VDAC1: variants seen among roughly 807,000 people sequenced by gnomAD.
The protein encoded by VDAC1 is non-selective voltage-gated ion channel VDAC1.
In VDAC1, 10 loss-of-function variants were observed where a neutral mutation model predicts 34.7. The observed-to-expected ratio is 0.29, with a 90% CI of 0.18 to 0.49. VDAC1 has a LOEUF of 0.49. Among genes scored for constraint, VDAC1 ranks in the 20% least tolerant of loss-of-function variants. The pLI is 0.99. For missense variants in VDAC1, 230 were observed against 347.9 expected, an observed-to-expected ratio of 0.66 and a Z score of 2.69; for synonymous variants, 130 against 136.0, an observed-to-expected ratio of 0.96 and a Z score of 0.30.
chr5:134,047,241 G>C, the VDAC1 span, among the ~76,000 whole-genome samples: 12 of 152,162 alleles, frequency 7.9e-5, no homozygotes, highest in Non-Finnish European at 1.5e-4. Context: ...GCCGCCTGCT[G>C]GGGGAGGGCA....
At chr5:134,026,904 T>C in the VDAC1 span, among the ~76,000 whole-genome samples, 1 of 152,256 alleles carries the variant, frequency 6.6e-6, no homozygotes, top group African/African-American at 2.4e-5. Flanking sequence ...GAAGAAATGC[T>C]TCTAAGCCTG....
chr5:134,079,988 G>A, the VDAC1 span, among the ~76,000 whole-genome samples: 2 of 152,244 alleles, frequency 1.3e-5, no homozygotes, highest in African/African-American at 2.4e-5. Flanking sequence ...GGCGGCCTGC[G>A]GTGGGGGCTT....
At chr5:134,055,588 G>GTTTTTTTTTTT in the VDAC1 span, among the ~76,000 whole-genome samples, 3 of 59,616 alleles carry the variant, frequency 5.0e-5, no homozygotes, top group African/African-American at 7.2e-5. Context: ...CCCCGCTAAT[G>GTTTTTTTTTTT]TTTTTTTTTT....
At chr5:134,074,311 A>G in the VDAC1 span, among the ~76,000 whole-genome samples, 1 of 96,252 alleles carries the variant, frequency 1.0e-5, no homozygotes, top group African/African-American at 3.4e-5. Flanking sequence ...TCTCAAAATA[A>G]ATAAATAAAT....
rs371929840 is a variant in VDAC1, at chr5:134,002,743, T to C, written c.-7+2152A>G. Among the ~76,000 whole-genome samples, 10 of 152,152 alleles carry C rather than the reference T, an allele frequency of 6.6e-5. No homozygotes were observed. In the East Asian group the frequency reaches 9.6e-4, roughly 15 times the overall value. The stretch of plus-strand genomic sequence containing the variant: ...ACTTTGGGAGGCGGAGGCGGGTGGA[T>C]TGCTTGAGGCCAGGAGTTTGAGATC... On this transcript the variant is annotated intron_variant, in intron 1 of 8. Coordinates refer to ENST00000265333, the MANE Select transcript of VDAC1 (RefSeq NM_003374.3).
intron 2 of VDAC1, among the ~76,000 whole-genome samples, 154 bp downstream of exon 2, chr5:133,992,792 T>C (rs1753155978): frequency 6.6e-6 from 1 of 152,274 alleles, no homozygotes. Context: ...CCAAAGTTGC[T>C]ACAATTGCCA....
the VDAC1 span, among the ~76,000 whole-genome samples, chr5:134,090,895 T>C: frequency 6.6e-6 from 1 of 152,160 alleles, no homozygotes; most frequent in Non-Finnish European, 1.5e-5. Context: ...CCCAGCTGGG[T>C]GGTGGTAACC....
chr5:134,096,143 C>T, the VDAC1 span, among the ~76,000 whole-genome samples: 21,744 of 152,246 alleles, frequency 0.14, 2,643 homozygotes, highest in African/African-American at 0.32. Context: ...TCCCCAGGGC[C>T]CGGGATTGTG....
At chr5:134,075,488 C>T in the VDAC1 span, among the ~76,000 whole-genome samples, 1 of 152,242 alleles carries the variant, frequency 6.6e-6, no homozygotes, top group Non-Finnish European at 1.5e-5. Flanking sequence ...ACTATGTTCA[C>T]AATACTTTCA....
At chr5:134,105,115 G>A in the VDAC1 span, among the ~76,000 whole-genome samples, 277 of 152,270 alleles carry the variant, frequency 1.8e-3, no homozygotes, top group African/African-American at 6.2e-3. Context: ...AACTCGCTCC[G>A]TGAATGGATG....
the VDAC1 span, among the ~76,000 whole-genome samples, chr5:134,088,815 A>G: frequency 2.6e-5 from 4 of 152,178 alleles, no homozygotes; most frequent in South Asian, 6.2e-4. Flanking sequence ...TGCTTGCAAC[A>G]TTCCAAGTTT....
intron 5 of VDAC1, among the ~76,000 whole-genome samples, chr5:133,987,274 T>C (rs1752940007): frequency 6.6e-6 from 1 of 151,894 alleles, no homozygotes; most frequent in South Asian, 2.1e-4. Flanking sequence ...GGAGGGAGGA[T>C]CCCTTGAGCC....
At chr5:134,012,730 GA>G in the VDAC1 span, among the ~76,000 whole-genome samples, 2 of 151,100 alleles carry the variant, frequency 1.3e-5, no homozygotes, top group Non-Finnish European at 3.0e-5. Context: ...CACAGAATTA[GA>G]AAAAAAACTA....
At chr5:134,062,733 T>C in the VDAC1 span, among the ~76,000 whole-genome samples, 1 of 151,646 alleles carries the variant, frequency 6.6e-6, no homozygotes, top group African/African-American at 2.4e-5. Context: ...TTCAAGCGAT[T>C]CTCCCGCCTC....
the VDAC1 span, among the ~76,000 whole-genome samples, chr5:134,055,619 T>TTC: frequency 2.6e-4 from 29 of 109,538 alleles, 1 homozygote; most frequent in African/African-American, 8.8e-4. Flanking sequence ...TTTTTTTTTT[T>TTC]AGTAGAGACA....
intron 1 of VDAC1, among the ~76,000 whole-genome samples, chr5:133,994,360 G>C (rs1753214827): frequency 6.6e-6 from 1 of 152,200 alleles, no homozygotes; most frequent in Admixed American, 6.5e-5. Flanking sequence ...TCACTTTTGT[G>C]TCAGAGCACA....
the VDAC1 span, among the ~76,000 whole-genome samples, chr5:134,104,085 T>G: frequency 1.3e-5 from 2 of 152,132 alleles, no homozygotes; most frequent in South Asian, 4.2e-4. Flanking sequence ...ATGGGCAAGT[T>G]ACGTCACTAG....
At chr5:134,001,715 T>TAAAAA (rs10717143) in intron 1 of VDAC1, among the ~76,000 whole-genome samples, 4 of 110,478 alleles carry the variant, frequency 3.6e-5, no homozygotes, top group Admixed American at 9.9e-5. Context: ...AGACTCCATC[T>TAAAAA]AAAAAAAAAA....
rs184564112 is a variant in VDAC1, at chr5:133,981,055, G to A, written c.324-99C>T. The A allele has an allele frequency of 1.6e-5, 16 of 1,023,068 alleles. No individual in the cohort carries two copies. The Admixed American group carries it at 2.4e-4, about 15-fold the overall frequency. The allele number at this position is 1,023,068 out of a possible 1,614,324, so 63.4% of individuals were successfully genotyped here. ...TAATCCCAGGTCAAATAAAGGGAGT[G>A]GGGTGGGGGTGAAGTCAGGGCTCCA... On this transcript the variant is annotated intron_variant, in intron 5 of 8. Transcript: ENST00000265333.
Sources: gnomAD v4.1 joint callset for allele counts (sites outside exome capture counted in the v4.1 genomes callset) on GRCh38, gnomAD v4.1.1 for gene constraint, MANE v1.5 for transcripts, NCBI Gene and HGNC (gene_info 2026-07-23, HGNC 2026-07-21) for gene names.